CENPC: variants seen among roughly 807,000 people sequenced by gnomAD.
CENPC encodes the protein CENP-C 1.
A neutral mutation model predicts 112.1 loss-of-function variants in CENPC; 63 were observed. The observed-to-expected ratio is 0.56, with a 90% CI of 0.46 to 0.69. CENPC has a LOEUF of 0.69. CENPC is among the 30% of genes least tolerant of loss of function. CENPC has a pLI of 0.00. For missense variants in CENPC, 1,000 were observed against 1,103.8 expected, an observed-to-expected ratio of 0.91 and a Z score of 1.33; for synonymous variants, 333 against 367.6, an observed-to-expected ratio of 0.91 and a Z score of 1.08.
In CENPC at chr4:67,493,919, C is replaced by T. The variant is rs376096511; in HGVS notation, c.2255G>A (p.Arg752Gln). 8.1e-6 allele frequency: 13 copies of T among 1,612,696 alleles called. No homozygotes were observed. The highest frequency in any genetic ancestry group is 1.6e-4 in the Middle Eastern group (1 of 6,080). ...RTRLKPLEYWRGERIDYQGRP... is the reference protein window; with the variant it reads ...RTRLKPLEYWQGERIDYQGRP... ...TCCTTGATAATCTATTCGCTCTCCT[C>T]GCCAGTACTCCAAAGGTTTCAAACG... The change falls in exon 14 of 19, where the codon CGA becomes CAA. Residue 752 changes from arginine (R) to glutamine (Q), a missense_variant. Arg to Gln is a conservative substitution (Grantham distance 43, BLOSUM62 1). Transcript: ENST00000273853.
chr4:67,522,430 T>C (rs1341823438), intron 5 of CENPC, among the ~76,000 whole-genome samples: 1 of 152,184 alleles, frequency 6.6e-6, no homozygotes, highest in Non-Finnish European at 1.5e-5. Context: ...ACACCTGGTC[T>C]TGACTGCAGG....
At chr4:67,493,738 C>A in intron 14 of CENPC, 146 bp downstream of exon 14, 1 of 568,056 alleles carries the variant, frequency 1.8e-6, no homozygotes, top group Non-Finnish European at 3.1e-6. Flanking sequence ...CTACATTAAT[C>A]AGACAAAAAT....
intron 5 of CENPC, among the ~76,000 whole-genome samples, chr4:67,527,267 C>T (rs377174056): frequency 2.0e-5 from 3 of 152,088 alleles, no homozygotes; most frequent in African/African-American, 7.2e-5. Context: ...GTATAAGCCA[C>T]CATATCAACA....
At chr4:67,542,111 A>C (rs1726904782) in intron 2 of CENPC, among the ~76,000 whole-genome samples, 1 of 152,206 alleles carries the variant, frequency 6.6e-6, no homozygotes, top group Admixed American at 6.5e-5. Context: ...TCTGGATTTC[A>C]ATCAGTATAA....
At position 67,545,489 on chromosome 4, in the gene CENPC, A is replaced by G. The variant is rs983872517; in HGVS notation, c.-134T>C. ...AAGCAATAACCTTAAGTCTCAGGCG[A>G]CTGCCGCGAGAGCTGCGATCCGGAA... is the stretch of plus-strand genomic sequence containing the variant. On this transcript the variant is annotated 5_prime_UTR_variant, in exon 1 of 19. Coordinates refer to ENST00000273853, the MANE Select transcript of CENPC (RefSeq NM_001812.4). 1.1e-6 allele frequency: 1 copy of G among 880,116 alleles called. No homozygotes were observed. The highest frequency in any genetic ancestry group is 1.6e-6 in the Non-Finnish European group (1 of 639,358). 54.5% of individuals were successfully genotyped at this position (880,116 alleles called of 1,614,324 possible). A position where few individuals can be genotyped will look rare whatever the true frequency, so the allele number is the denominator to read the frequency against.
chr4:67,529,562 C>T (rs181595908), intron 5 of CENPC, among the ~76,000 whole-genome samples: 67 of 152,118 alleles, frequency 4.4e-4, no homozygotes, highest in African/African-American at 1.5e-3. Flanking sequence ...CTGACCTCAA[C>T]TGATCCACCT....
chr4:67,500,620 C>A (rs355518), intron 12 of CENPC, among the ~76,000 whole-genome samples: 2 of 151,862 alleles, frequency 1.3e-5, no homozygotes, highest in Non-Finnish European at 2.9e-5. Context: ...AAAGAAAATC[C>A]AGTGACCAAA....
At chr4:67,515,236 C>T (rs1161799763) in intron 7 of CENPC, among the ~76,000 whole-genome samples, 1 of 149,928 alleles carries the variant, frequency 6.7e-6, no homozygotes, top group Admixed American at 6.6e-5. Context: ...GAGGCTGAGG[C>T]AGGTGGATCA....
chr4:67,522,252 C>T (rs1480061427), intron 5 of CENPC, among the ~76,000 whole-genome samples: 1 of 152,200 alleles, frequency 6.6e-6, no homozygotes, highest in Admixed American at 6.5e-5. Context: ...TTCGTTGTTT[C>T]AGTTACCATG....
intron 6 of CENPC, among the ~76,000 whole-genome samples, chr4:67,518,999 G>T (rs1312934958): frequency 3.3e-4 from 50 of 152,136 alleles, no homozygotes. Flanking sequence ...CATTATTCCA[G>T]ACTATAGAAA....
intron 13 of CENPC, among the ~76,000 whole-genome samples, chr4:67,494,325 T>C (rs1327855824): frequency 6.6e-6 from 1 of 152,186 alleles, no homozygotes; most frequent in Non-Finnish European, 1.5e-5. Context: ...CTATTTTTTG[T>C]TTGCTAAAGC....
chr4:67,499,251 T>C (rs1560427001), intron 12 of CENPC, among the ~76,000 whole-genome samples: 1 of 152,260 alleles, frequency 6.6e-6, no homozygotes, highest in Non-Finnish European at 1.5e-5. Flanking sequence ...AGTCACAGCC[T>C]GACCTTGGAA....
intron 16 of CENPC, among the ~76,000 whole-genome samples, chr4:67,491,470 TATATATATATAGAGAGAGAGAGAGAG>T (rs1235907040): frequency 6.3e-5 from 3 of 47,448 alleles, no homozygotes; most frequent in Non-Finnish European, 1.3e-4. Context: ...TATATATATA[TATATATATATAGAGAGAGAGAGAGAG>T]AGAGAGAGAG....
chr4:67,521,974 T>C (rs1726242093), intron 5 of CENPC, among the ~76,000 whole-genome samples: 1 of 152,122 alleles, frequency 6.6e-6, no homozygotes. Flanking sequence ...GTTTCAGTTG[T>C]GAAAAATGAA....
chr4:67,480,421 T>A (rs1209812798), intron 17 of CENPC, among the ~76,000 whole-genome samples: 3 of 151,574 alleles, frequency 2.0e-5, no homozygotes, highest in Admixed American at 6.6e-5. Flanking sequence ...AAGAGACAAA[T>A]TCTTGGAAAT....
chr4:67,539,798 A>C lies in CENPC; in HGVS notation c.231+42T>G, dbSNP rs780144837. ...GAGTATATTGTGTATACCTTCATTC[A>C]TTAAAATATTAAACCTATACCAGCT... On this transcript the variant is annotated intron_variant, in intron 4 of 18. Coordinates refer to ENST00000273853, the MANE Select transcript of CENPC (RefSeq NM_001812.4). 17 of 1,067,558 alleles carry C rather than the reference A, an allele frequency of 1.6e-5. No homozygotes were observed. The Admixed American group carries it at 4.7e-4, about 30-fold the overall frequency. The allele number at this position is 1,067,558 out of a possible 1,614,324, so 66.1% of individuals were successfully genotyped here.
At chr4:67,505,937 A>T (rs1280561357) in intron 11 of CENPC, among the ~76,000 whole-genome samples, 2 of 151,318 alleles carry the variant, frequency 1.3e-5, no homozygotes, top group African/African-American at 2.4e-5. Context: ...TATTTTAATT[A>T]AAAAAAAATA....
chr4:67,523,084 G>C (rs975525059), intron 5 of CENPC, among the ~76,000 whole-genome samples: 4 of 152,100 alleles, frequency 2.6e-5, no homozygotes, highest in Non-Finnish European at 4.4e-5. Context: ...TGCTGAGGCA[G>C]GCGGATAACT....
chr4:67,541,561 T>C (rs1202218949), intron 2 of CENPC, among the ~76,000 whole-genome samples: 1 of 152,200 alleles, frequency 6.6e-6, no homozygotes, highest in Non-Finnish European at 1.5e-5. Context: ...AGACCCCTTG[T>C]TCACTTTACC....
Sources: allele counts gnomAD v4.1 joint callset (sites outside exome capture counted in the v4.1 genomes callset), GRCh38; gene constraint gnomAD v4.1.1; transcripts MANE v1.5; gene names NCBI Gene and HGNC (gene_info 2026-07-23, HGNC 2026-07-21).